Variants in HEPACAM observed in about 807,000 individuals in gnomAD.
HEPACAM encodes the protein hepatocyte cell adhesion molecule.
HEPACAM carries 18 observed loss-of-function variants against 38.3 expected under a neutral mutation model. That is an observed-to-expected ratio of 0.47 (90% confidence interval 0.33 to 0.70). The LOEUF is 0.70. HEPACAM is among the 30% of genes least tolerant of loss of function. The pLI is 0.03. For missense variants in HEPACAM, 466 were observed against 563.0 expected, an observed-to-expected ratio of 0.83 and a Z score of 1.74; for synonymous variants, 216 against 243.1, an observed-to-expected ratio of 0.89 and a Z score of 1.04.
intron 1 of HEPACAM, among the ~76,000 whole-genome samples, chr11:124,933,707 G>C (rs1366796458): frequency 6.6e-6 from 1 of 151,964 alleles, no homozygotes; most frequent in Non-Finnish European, 1.5e-5. Flanking sequence ...TCAGCTCATT[G>C]TCATTTCACC....
chr11:124,934,294 C>T (rs551634036), intron 1 of HEPACAM, among the ~76,000 whole-genome samples: 1 of 152,168 alleles, frequency 6.6e-6, no homozygotes, highest in Admixed American at 6.6e-5. Flanking sequence ...TAATTTCAGT[C>T]CATGTTATTT....
chr11:124,928,659 C>A (rs1002988297), intron 1 of HEPACAM, among the ~76,000 whole-genome samples: 2 of 152,160 alleles, frequency 1.3e-5, no homozygotes, highest in African/African-American at 4.8e-5. Flanking sequence ...AAATGCATAC[C>A]TGATTGCCTC....
chr11:124,928,352 T>G (rs1947243582), intron 1 of HEPACAM, among the ~76,000 whole-genome samples: 1 of 152,186 alleles, frequency 6.6e-6, no homozygotes, highest in Non-Finnish European at 1.5e-5. Flanking sequence ...GGCTTTGGTA[T>G]GGATAACAAG....
rs145810269 is a variant in HEPACAM at position 124,928,803 on chromosome 11, C to T, written c.86-3734G>A. Among the ~76,000 whole-genome samples, 1,383 of 152,340 alleles carry T rather than the reference C, an allele frequency of 9.1e-3. 13 individuals carry two copies. The highest frequency in any genetic ancestry group is 0.02 in the South Asian group (98 of 4,826). On this transcript the variant is annotated intron_variant, in intron 1 of 6. Transcript: ENST00000298251. ...CCGGACCGAACCAACATTCATCTTA[C>T]ATATGTTGATTGATGTCTAATGTCT...
chr11:124,933,778 T>C (rs1384055076), intron 1 of HEPACAM, among the ~76,000 whole-genome samples: 2 of 152,168 alleles, frequency 1.3e-5, no homozygotes, highest in African/African-American at 2.4e-5. Flanking sequence ...CTTTGTCACA[T>C]TGGATCTCTT....
Position 124,919,783 on chromosome 11 carries a change from G to C in HEPACAM, c.*1355C>G. The C allele has an allele frequency of 6.2e-7, 1 of 1,614,126 alleles. No individual in the cohort carries two copies. Among genetic ancestry groups the C allele is most frequent in the South Asian group, 1.1e-5 (1 of 91,076 alleles). On this transcript the variant is annotated 3_prime_UTR_variant, in exon 7 of 7. Transcript: ENST00000298251. ...ACTGGGGCCTTGGAATTGCTCCATGGGTTGATGGCGAATCAGAGCTGGAGT... is the reference window on the plus strand; with the variant it reads ...ACTGGGGCCTTGGAATTGCTCCATGCGTTGATGGCGAATCAGAGCTGGAGT...
At chr11:124,931,805 C>A (rs1050951489) in intron 1 of HEPACAM, among the ~76,000 whole-genome samples, 1 of 152,190 alleles carries the variant, frequency 6.6e-6, no homozygotes, top group Non-Finnish European at 1.5e-5. Context: ...GTTCATAAAG[C>A]CCCGATGGGG....
At position 124,919,820 on chromosome 11, in the gene HEPACAM, G is replaced by T; in HGVS notation, c.*1318C>A. The T allele has an allele frequency of 6.2e-7, 1 of 1,614,162 alleles. No homozygotes were observed. The highest frequency in any genetic ancestry group is 1.1e-5 in the South Asian group (1 of 91,084). On this transcript the variant is annotated 3_prime_UTR_variant, in exon 7 of 7. Transcript: ENST00000298251. ...ATCAGAGCTGGAGTTTAGGAGACTA[G>T]GGATGCAAGGACCCTTGGAGGCATT... is the stretch of plus-strand genomic sequence containing the variant.
intron 1 of HEPACAM, among the ~76,000 whole-genome samples, chr11:124,931,621 G>A (rs1947281933): frequency 6.6e-6 from 1 of 152,220 alleles, no homozygotes; most frequent in Admixed American, 6.5e-5. Flanking sequence ...GTTGATAGGA[G>A]TGTAAACTGA....
At chr11:124,923,581 T>A in intron 3 of HEPACAM, 148 bp from the exon 4 acceptor site, 1 of 1,139,692 alleles carries the variant, frequency 8.8e-7, no homozygotes, top group Non-Finnish European at 1.3e-6. Context: ...CAGAACCCAC[T>A]GGCTACCTGT....
chr11:124,926,736 TGC>T (rs1305000855), intron 1 of HEPACAM, among the ~76,000 whole-genome samples: 1 of 152,196 alleles, frequency 6.6e-6, no homozygotes, highest in Non-Finnish European at 1.5e-5. Context: ...TTTCTCACTC[TGC>T]TGCTGCTGCC....
chr11:124,925,091 G>T, intron 1 of HEPACAM, 22 bp from the exon 2 acceptor site: 1 of 1,554,564 alleles, frequency 6.4e-7, no homozygotes, highest in Non-Finnish European at 8.7e-7. Context: ...GGCCCATGAG[G>T]AAGAGGGAAG....
chr11:124,933,509 T>C (rs771072902), intron 1 of HEPACAM, among the ~76,000 whole-genome samples: 11 of 152,192 alleles, frequency 7.2e-5, no homozygotes, highest in Non-Finnish European at 1.0e-4. Context: ...AAGTTACATT[T>C]TTCCACATAG....
At position 124,921,253 on chromosome 11, in the gene HEPACAM, G is replaced by A; in HGVS notation, c.1136C>T (p.Pro379Leu). The change falls in exon 7 of 7, where the codon CCC becomes CTC. Residue 379 changes from proline to leucine, a missense_variant. By Grantham distance (98) the Pro-to-Leu change is moderately conservative. Coordinates refer to ENST00000298251, the MANE Select transcript of HEPACAM (RefSeq NM_152722.5). The surrounding 1 kb of genome is among the most constrained non-coding windows in gnomAD (Gnocchi z 4.6). ...GCGGCCGGGCGAGCTCGGGGCCCTG[G>A]GCGGCGACGAGTGTGTCCGGCCGGT... Reference protein sequence around the residue: ...PATGRTHSSPPRAPSSPGRSR... With the variant: ...PATGRTHSSPLRAPSSPGRSR... 7.0e-7 allele frequency: 1 copy of A among 1,433,886 alleles called. No homozygotes were observed. The highest frequency in any genetic ancestry group is 2.5e-4 in the Middle Eastern group (1 of 4,056). 88.8% of individuals were successfully genotyped at this position (1,433,886 alleles called of 1,614,324 possible).
Position 124,924,658 on chromosome 11 carries a change from G to A in HEPACAM, c.427+70C>T. On this transcript the variant is annotated intron_variant, in intron 2 of 6. Transcript: ENST00000298251. This position sits in a 1 kb window ranked among gnomAD's most constrained non-coding sequence, Gnocchi z 4.4. The stretch of plus-strand genomic sequence containing the variant: ...GGGTTGGTTTTCCCTCAGTCTAGCT[G>A]GTGCGCTGGGCAGACCTTTCCCTAG... 2 of 1,396,712 alleles carry A rather than the reference G, an allele frequency of 1.4e-6. No homozygotes were observed. The highest frequency in any genetic ancestry group is 4.6e-5 in the East Asian group (2 of 43,824). The allele number at this position is 1,396,712 out of a possible 1,614,324, so 86.5% of individuals were successfully genotyped here.
intron 1 of HEPACAM, among the ~76,000 whole-genome samples, chr11:124,930,944 A>G (rs1020859509): frequency 2.0e-5 from 3 of 152,240 alleles, no homozygotes; most frequent in African/African-American, 7.2e-5. Flanking sequence ...CAGATCTCTT[A>G]TAAAGGACAC....
intron 1 of HEPACAM, among the ~76,000 whole-genome samples, chr11:124,932,935 C>T (rs1947295605): frequency 6.6e-6 from 1 of 152,116 alleles, no homozygotes; most frequent in African/African-American, 2.4e-5. Context: ...TTCCTCTTCC[C>T]AGGCCTAGTC....
In HEPACAM at chr11:124,920,677, GCAAAA is replaced by G. The variant is rs886047924; in HGVS notation, c.*456_*460del. 7,621 of 104,290 alleles carry G rather than the reference GCAAAA, an allele frequency of 0.073. 114 individuals carry two copies. Among genetic ancestry groups the G allele is most frequent in the Non-Finnish European group, 0.079 (6,325 of 80,204 alleles). 6.5% of individuals were successfully genotyped at this position (104,290 alleles called of 1,614,324 possible). A position where few individuals can be genotyped will look rare whatever the true frequency, so the allele number is the denominator to read the frequency against. Reference sequence around the variant, plus strand: ...AAAGTGGCCTCTCTAATCTGAACTTGCAAAAAAAAAAAAAAAAAAAAAAAAAAAAA... The same window carrying G: ...AAAGTGGCCTCTCTAATCTGAACTTGAAAAAAAAAAAAAAAAAAAAAAAAA... On this transcript the variant is annotated 3_prime_UTR_variant, in exon 7 of 7. Transcript: ENST00000298251.
At chr11:124,933,180 AT>A (rs112857034) in intron 1 of HEPACAM, among the ~76,000 whole-genome samples, 93 of 148,290 alleles carry the variant, frequency 6.3e-4, no homozygotes, top group South Asian at 8.6e-4. Context: ...TTACATTATA[AT>A]TTTTTTTTTT....
Sources: gnomAD v4.1 joint callset for allele counts (sites outside exome capture counted in the v4.1 genomes callset) on GRCh38, gnomAD v4.1.1 for gene constraint, Gnocchi (gnomAD v3.1) non-coding constraint, MANE v1.5 for transcripts, NCBI Gene and HGNC (gene_info 2026-07-23, HGNC 2026-07-21) for gene names.